The following REEP3 variants were observed in gnomAD, a reference collection of about 807,000 sequenced individuals.
REEP3 encodes receptor accessory protein 3.
Under a neutral mutation model 41.3 loss-of-function variants are expected in REEP3, and 20 were observed. That is an observed-to-expected ratio of 0.48 (90% CI 0.34 to 0.70). The LOEUF (loss-of-function observed/expected upper bound fraction) is 0.70. Among genes scored for constraint, REEP3 ranks in the 30% least tolerant of loss-of-function variants. The pLI, the probability that REEP3 is intolerant of heterozygous loss-of-function variation, is 0.01. For missense variants in REEP3, 271 were observed against 308.8 expected (o/e 0.88, Z 0.92); for synonymous variants, 104 against 101.8 (o/e 1.02, Z -0.13).
intron 1 of REEP3, among the ~76,000 whole-genome samples, chr10:63,554,748 G>A (rs1955661961): frequency 6.6e-6 from 1 of 152,086 alleles, no homozygotes; most frequent in South Asian, 2.1e-4. Flanking sequence ...TAGATTGTAG[G>A]GACCATTGTC....
intron 5 of REEP3, among the ~76,000 whole-genome samples, chr10:63,604,984 T>G (rs960615755): frequency 1.3e-5 from 2 of 152,152 alleles, no homozygotes; most frequent in African/African-American, 4.8e-5. Flanking sequence ...TTGTCACCAC[T>G]GAGAGGGGGC....
At chr10:63,561,657 G>T (rs1480060843) in intron 1 of REEP3, among the ~76,000 whole-genome samples, 1 of 152,230 alleles carries the variant, frequency 6.6e-6, no homozygotes, top group African/African-American at 2.4e-5. Flanking sequence ...GGGCACAGAG[G>T]AATGTGTTGG....
At chr10:63,600,470 CT>C (rs1353661818) in intron 5 of REEP3, among the ~76,000 whole-genome samples, 1 of 152,062 alleles carries the variant, frequency 6.6e-6, no homozygotes, top group African/African-American at 2.4e-5. Context: ...CTTTTAAAGG[CT>C]TTTTCTTTTA....
intron 1 of REEP3, among the ~76,000 whole-genome samples, chr10:63,551,193 A>G (rs1955625457): frequency 6.6e-6 from 1 of 152,210 alleles, no homozygotes; most frequent in South Asian, 2.1e-4. Context: ...GAAAGTAAAG[A>G]AAGTGCTCAA....
Position 63,568,701 on chromosome 10 carries a change from G to A in REEP3, c.105+2291G>A, listed in dbSNP as rs1210544209. Among the ~76,000 whole-genome samples the A allele has an allele frequency of 1.7e-4, 22 of 128,108 alleles. 1 individual carries two copies. The Admixed American group carries it at 2.0e-3, about 11-fold the overall frequency. 84.0% of individuals were successfully genotyped at this position (128,108 alleles called of 152,430 possible). A position where few individuals can be genotyped will look rare whatever the true frequency, so the allele number is the denominator to read the frequency against. ...ACAGGGTCTTGCTGTTATCACCCAA[G>A]CTGGAGTGCAGTGGCACCATCATAG... On this transcript the variant is annotated intron_variant, in intron 2 of 7. Coordinates refer to ENST00000373758, the MANE Select transcript of REEP3 (RefSeq NM_001001330.3).
At chr10:63,597,928 C>G in intron 3 of REEP3, 96 bp from the exon 4 acceptor site, 1 of 927,014 alleles carries the variant, frequency 1.1e-6, no homozygotes, top group African/African-American at 1.7e-5. Context: ...AAACAAAAAA[C>G]AGCATAGTGA....
intron 1 of REEP3, among the ~76,000 whole-genome samples, chr10:63,543,685 A>G (rs1444186161): frequency 2.0e-5 from 3 of 152,106 alleles, no homozygotes; most frequent in African/African-American, 7.2e-5. Flanking sequence ...TTCTGCAAGT[A>G]TTTATTGAAT....
intron 2 of REEP3, among the ~76,000 whole-genome samples, chr10:63,593,843 G>A (rs912299981): frequency 1.3e-5 from 2 of 152,128 alleles, no homozygotes; most frequent in Non-Finnish European, 2.9e-5. Context: ...GAATTAGAGT[G>A]GAAGAAGGAG....
At chr10:63,535,785 G>GA (rs926091474) in intron 1 of REEP3, among the ~76,000 whole-genome samples, 25 of 150,412 alleles carry the variant, frequency 1.7e-4, no homozygotes, top group South Asian at 2.1e-4. Context: ...TTATCTCTCA[G>GA]AAAAAAAAAT....
intron 2 of REEP3, among the ~76,000 whole-genome samples, chr10:63,593,692 A>G (rs1455143932): frequency 2.8e-4 from 42 of 152,168 alleles, no homozygotes; most frequent in Non-Finnish European, 3.2e-4. Flanking sequence ...AAAAAATATA[A>G]ATTTGGGAGA....
At chr10:63,612,818 T>C (rs1222355245) in intron 6 of REEP3, among the ~76,000 whole-genome samples, 1 of 151,990 alleles carries the variant, frequency 6.6e-6, no homozygotes, top group Admixed American at 6.6e-5. Context: ...GGTATATTGA[T>C]TTTGATTGGA....
chr10:63,549,680 T>G (rs575078803), intron 1 of REEP3, among the ~76,000 whole-genome samples: 1 of 152,212 alleles, frequency 6.6e-6, no homozygotes, highest in East Asian at 1.9e-4. Context: ...ACCATGAATG[T>G]GTATGGTTAG....
At chr10:63,543,428 T>G (rs1955547893) in intron 1 of REEP3, among the ~76,000 whole-genome samples, 1 of 151,102 alleles carries the variant, frequency 6.6e-6, no homozygotes. Context: ...GCCAAGTAGC[T>G]GGGATTACAG....
At chr10:63,524,710 C>G (rs1955342542) in intron 1 of REEP3, among the ~76,000 whole-genome samples, 2 of 152,150 alleles carry the variant, frequency 1.3e-5, no homozygotes, top group African/African-American at 4.8e-5. Context: ...TCGCTAAGTG[C>G]TAGAATTACA....
intron 1 of REEP3, among the ~76,000 whole-genome samples, chr10:63,543,600 G>A (rs1157142738): frequency 1.3e-5 from 2 of 151,828 alleles, no homozygotes; most frequent in East Asian, 1.9e-4. Flanking sequence ...CTCAACTTAC[G>A]TAAATTGTGT....
rs941986273 is a variant in REEP3, at chr10:63,623,875, T to G, written c.*3006T>G. On this transcript the variant is annotated 3_prime_UTR_variant, in exon 8 of 8. Coordinates refer to ENST00000373758, the MANE Select transcript of REEP3 (RefSeq NM_001001330.3). ...ACACTGATTGATGGGACAAAATGAT[T>G]AAAGTATTTTCAGGGATCTTATTCC... 9 of 153,946 alleles carry G rather than the reference T, an allele frequency of 5.8e-5. No individual in the cohort carries two copies. Among genetic ancestry groups the G allele is most frequent in the Non-Finnish European group, 4.4e-5 (3 of 68,128 alleles). The allele number at this position is 153,946 out of a possible 1,614,324, so 9.5% of individuals were successfully genotyped here.
intron 1 of REEP3, among the ~76,000 whole-genome samples, chr10:63,543,460 TA>T (rs1234371102): frequency 3.6e-4 from 21 of 58,144 alleles, no homozygotes; most frequent in African/African-American, 1.4e-3. Context: ...CATGCCCCAT[TA>T]AGTTTTTTTT....
intron 1 of REEP3, chr10:63,562,987 T>C (rs1263362029): frequency 2.2e-6 from 1 of 456,560 alleles, no homozygotes; most frequent in South Asian, 1.5e-5. Context: ...TCCAGTATGA[T>C]TGGCTTCCTT....
intron 6 of REEP3, among the ~76,000 whole-genome samples, chr10:63,611,816 G>A (rs189978329): frequency 6.7e-6 from 1 of 150,054 alleles, no homozygotes; most frequent in East Asian, 1.9e-4. Flanking sequence ...TGAGTATGGT[G>A]GTATTCACCG....
Sources: gnomAD v4.1 joint callset for allele counts (sites outside exome capture counted in the v4.1 genomes callset) on GRCh38, gnomAD v4.1.1 for gene constraint, MANE v1.5 for transcripts, NCBI Gene and HGNC (gene_info 2026-07-23, HGNC 2026-07-21) for gene names.